Variants in NMT1 observed in about 807,000 individuals in gnomAD.
NMT1 encodes the protein N-myristoyltransferase 1, also known as glycylpeptide N-tetradecanoyltransferase 1.
In NMT1, 12 loss-of-function variants were observed where a neutral mutation model predicts 63.4. The ratio of observed to expected loss-of-function variants is 0.19; its 90% CI spans 0.12 to 0.31. NMT1 has a LOEUF of 0.31. Among genes scored for constraint, NMT1 ranks in the 10% least tolerant of loss-of-function variants. The pLI is 1.00. For synonymous variants in NMT1, 228 were observed against 234.3 expected, an observed-to-expected ratio of 0.97 and a Z score of 0.25; for missense variants, 432 against 634.6, an observed-to-expected ratio of 0.68 and a Z score of 3.43.
At chr17:45,096,839 A>ACATAGATGAG (rs1302449346) in intron 5 of NMT1, among the ~76,000 whole-genome samples, 2 of 152,270 alleles carry the variant, frequency 1.3e-5, no homozygotes, top group African/African-American at 2.4e-5. Context: ...CAAAGATGCC[A>ACATAGATGAG]GTACCTTGGT....
intron 5 of NMT1, 53 bp downstream of exon 5, chr17:45,096,338 C>T (rs1215257809): frequency 7.1e-7 from 1 of 1,414,270 alleles, no homozygotes; most frequent in Non-Finnish European, 1.0e-6. Context: ...TAGAGCAGAT[C>T]CACCAGAGGG....
At chr17:45,070,626 C>T (rs1358515323) in intron 1 of NMT1, among the ~76,000 whole-genome samples, 2 of 150,806 alleles carry the variant, frequency 1.3e-5, no homozygotes, top group Non-Finnish European at 3.0e-5. Context: ...ACCGTATTAG[C>T]CAGGATGGTC....
Position 45,103,577 on chromosome 17 carries a change from C to T in NMT1, c.1165-132C>T. 3.3e-6 allele frequency: 3 copies of T among 901,616 alleles called. No individual in the cohort carries two copies. Among genetic ancestry groups the T allele is most frequent in the South Asian group, 3.2e-5 (2 of 62,296 alleles). The allele number at this position is 901,616 out of a possible 1,614,324, so 55.9% of individuals were successfully genotyped here. ...AATGTCCCTCCTCCTCCCCACATGT[C>T]CTGTTGCAGTTTCCAGCCATTTATC... is the stretch of plus-strand genomic sequence containing the variant. On this transcript the variant is annotated intron_variant, in intron 9 of 11. Transcript: ENST00000258960. This position sits in a 1 kb window ranked among gnomAD's most constrained non-coding sequence, Gnocchi z 4.8.
intron 4 of NMT1, 112 bp downstream of exon 4, chr17:45,093,915 G>A (rs2054106428): frequency 3.8e-6 from 3 of 795,454 alleles, no homozygotes; most frequent in Non-Finnish European, 6.2e-6. Context: ...GAGCCAAGGA[G>A]GTCTGAACAG....
At chr17:45,079,479 G>A (rs1045057191) in intron 1 of NMT1, among the ~76,000 whole-genome samples, 19 of 152,212 alleles carry the variant, frequency 1.2e-4, no homozygotes, top group Non-Finnish European at 2.2e-4. Flanking sequence ...GGGAGTTCAA[G>A]GCAGCAGGAT....
chr17:45,097,931 G>T (rs1682924816), intron 6 of NMT1, among the ~76,000 whole-genome samples: 1 of 152,156 alleles, frequency 6.6e-6, no homozygotes, highest in South Asian at 2.1e-4. Context: ...TGTGATCTCT[G>T]CTCTTCATTT....
At chr17:45,086,403 G>T in intron 2 of NMT1, 105 bp from the exon 3 acceptor site, 2 of 1,220,958 alleles carry the variant, frequency 1.6e-6, no homozygotes, top group Non-Finnish European at 2.2e-6. Context: ...GGGATTACAG[G>T]CATGAGCCAC....
intron 3 of NMT1, among the ~76,000 whole-genome samples, chr17:45,092,732 GAAAAA>G (rs60823995): frequency 4.9e-5 from 7 of 143,768 alleles, no homozygotes; most frequent in African/African-American, 1.8e-4. Flanking sequence ...GAAAAGAAAA[GAAAAA>G]AAAAATATTT....
intron 1 of NMT1, among the ~76,000 whole-genome samples, chr17:45,076,923 A>G (rs2053981320): frequency 6.6e-6 from 1 of 152,188 alleles, no homozygotes; most frequent in Non-Finnish European, 1.5e-5. Context: ...GGAGATTTCT[A>G]GATACTTGTA....
rs2054195535 is a variant in NMT1 at position 45,105,342 on chromosome 17, C to T, written c.1471-277C>T. ...GAGGTTTCCTCTCCTGAGCTGCTGC[C>T]CTCTTCTGGCATGACACTTTCTTAG... is the stretch of plus-strand genomic sequence containing the variant. On this transcript the variant is annotated intron_variant, in intron 11 of 11. Transcript: ENST00000258960. The surrounding 1 kb of genome is among the most constrained non-coding windows in gnomAD (Gnocchi z 4.2). Among the ~76,000 whole-genome samples, 1 of 152,098 alleles carries T rather than the reference C, an allele frequency of 6.6e-6. No individual in the cohort carries two copies. Among genetic ancestry groups the T allele is most frequent in the Non-Finnish European group, 1.5e-5 (1 of 68,014 alleles).
In NMT1 at chr17:45,065,492, C is replaced by T. The variant is rs569442181; in HGVS notation, c.131+4032C>T. Among the ~76,000 whole-genome samples the T allele has an allele frequency of 2.2e-3, 336 of 151,836 alleles. 1 individual carries two copies. The highest frequency in any genetic ancestry group is 7.5e-3 in the African/African-American group (312 of 41,414). On this transcript the variant is annotated intron_variant, in intron 1 of 11. Transcript: ENST00000258960. Reference sequence around the variant, plus strand: ...ACAAAAAATTAGCCAGGTGTGGTGGCGCATGCCTGTAGTCCCAGCTACTCG... The same window carrying T: ...ACAAAAAATTAGCCAGGTGTGGTGGTGCATGCCTGTAGTCCCAGCTACTCG...
chr17:45,079,998 A>C (rs950213676), intron 1 of NMT1, among the ~76,000 whole-genome samples: 1 of 151,538 alleles, frequency 6.6e-6, no homozygotes, highest in Admixed American at 6.6e-5. Context: ...GCGCCCGGCC[A>C]CATGTTTCTT....
chr17:45,096,409 T>C, intron 5 of NMT1, 124 bp downstream of exon 5: 1 of 751,044 alleles, frequency 1.3e-6, no homozygotes, highest in Non-Finnish European at 2.4e-6. Context: ...TGTGTCATTT[T>C]TGAGTTCCTG....
rs571427848 is a variant in NMT1, at chr17:45,090,908, T to C, written c.386-2777T>C. On this transcript the variant is annotated intron_variant, in intron 3 of 11. Coordinates refer to ENST00000258960, the MANE Select transcript of NMT1 (RefSeq NM_021079.5). The stretch of plus-strand genomic sequence containing the variant: ...TCAGCAGGAGGTACTCAAAGGCCAT[T>C]GTAAGGGAGAAGGCAGGCTGCTCCC... Among the ~76,000 whole-genome samples, 8 of 152,114 alleles carry C rather than the reference T, an allele frequency of 5.3e-5. No individual in the cohort carries two copies. The South Asian group carries it at 1.5e-3, about 28-fold the overall frequency.
chr17:45,069,359 T>C (rs1042193561), intron 1 of NMT1, among the ~76,000 whole-genome samples: 2 of 151,974 alleles, frequency 1.3e-5, no homozygotes, highest in African/African-American at 4.8e-5. Flanking sequence ...TGGCGTGATC[T>C]TGGCTCACCA....
chr17:45,074,608 T>G (rs1567863103), intron 1 of NMT1, among the ~76,000 whole-genome samples: 1 of 152,196 alleles, frequency 6.6e-6, no homozygotes, highest in Non-Finnish European at 1.5e-5. Context: ...CATTGATGAC[T>G]TCTTGAGTTG....
chr17:45,098,330 C>T (rs1177735057), intron 6 of NMT1, 52 bp from the exon 7 acceptor site: 9 of 1,569,610 alleles, frequency 5.7e-6, no homozygotes, highest in Non-Finnish European at 7.8e-6. Flanking sequence ...GATGGGATCA[C>T]CATTCCCTTC....
intron 6 of NMT1, among the ~76,000 whole-genome samples, chr17:45,097,728 T>C (rs898674973): frequency 4.2e-4 from 64 of 152,106 alleles, no homozygotes; most frequent in Non-Finnish European, 1.2e-4. Flanking sequence ...CACTGCAAGC[T>C]CCACCTCCAG....
At chr17:45,070,959 G>A (rs934465289) in intron 1 of NMT1, among the ~76,000 whole-genome samples, 2 of 152,186 alleles carry the variant, frequency 1.3e-5, no homozygotes, top group Non-Finnish European at 2.9e-5. Flanking sequence ...GGAGTTGGGG[G>A]TATTGCACTG....
Sources: gnomAD v4.1 joint callset for allele counts (sites outside exome capture counted in the v4.1 genomes callset) on GRCh38, gnomAD v4.1.1 for gene constraint, Gnocchi (gnomAD v3.1) non-coding constraint, MANE v1.5 for transcripts, NCBI Gene and HGNC (gene_info 2026-07-23, HGNC 2026-07-21) for gene names.